RGS5: variants seen among roughly 807,000 people sequenced by gnomAD.
The protein encoded by RGS5 is regulator of G-protein signalling 5.
A neutral mutation model predicts 18.9 loss-of-function variants in RGS5; 20 were observed. The observed-to-expected ratio is 1.06, with a 90% confidence interval of 0.74 to 1.54. The LOEUF (loss-of-function observed/expected upper bound fraction) is 1.54. Ranked by LOEUF, RGS5 falls within the 40% of genes most tolerant of loss-of-function variation. RGS5 has a pLI of 0.00. For missense variants in RGS5, 201 were observed against 211.8 expected (o/e 0.95, Z 0.32); for synonymous variants, 57 against 76.2 (o/e 0.75, Z 1.31).
intron 1 of RGS5, chr1:163,213,074 G>A (rs913161574): frequency 1.3e-5 from 2 of 152,038 alleles, no homozygotes; most frequent in African/African-American, 4.8e-5. Context: ...GTGGATCGCA[G>A]GATCAAAAGG....
At chr1:163,273,915 G>GT (rs1406589067) in intron 2 of RGS5, among the ~76,000 whole-genome samples, 1 of 152,084 alleles carries the variant, frequency 6.6e-6, no homozygotes, top group Admixed American at 6.6e-5. Flanking sequence ...ATGTCTTTGG[G>GT]TTTTTTCTTG....
intron 1 of RGS5, among the ~76,000 whole-genome samples, chr1:163,195,269 T>C (rs1249063091): frequency 1.3e-5 from 2 of 152,186 alleles, no homozygotes; most frequent in African/African-American, 4.8e-5. Flanking sequence ...ATAATGTCGT[T>C]TGCAGCAACT....
At chr1:163,246,367 G>C (rs1312634248) in intron 2 of RGS5, among the ~76,000 whole-genome samples, 2 of 151,778 alleles carry the variant, frequency 1.3e-5, no homozygotes, top group African/African-American at 4.8e-5. Flanking sequence ...TCAGGAGTTT[G>C]AGATCAGCCT....
chr1:163,172,011 T>C (rs556121648), intron 1 of RGS5, among the ~76,000 whole-genome samples: 2 of 152,232 alleles, frequency 1.3e-5, no homozygotes, highest in South Asian at 4.2e-4. Flanking sequence ...CAGCAGTCAG[T>C]CAGTTGGGCT....
intron 2 of RGS5, among the ~76,000 whole-genome samples, chr1:163,233,901 A>C (rs1216823049): frequency 6.6e-6 from 1 of 152,192 alleles, no homozygotes; most frequent in African/African-American, 2.4e-5. Flanking sequence ...ACAGATCACA[A>C]TGGTGGAATC....
At chr1:163,233,880 G>A (rs1647547835) in intron 2 of RGS5, among the ~76,000 whole-genome samples, 1 of 152,180 alleles carries the variant, frequency 6.6e-6, no homozygotes. Flanking sequence ...ATCAGTTAGG[G>A]TGGGGCAGGA....
At chr1:163,236,023 G>A (rs1647613019) in intron 2 of RGS5, among the ~76,000 whole-genome samples, 1 of 152,142 alleles carries the variant, frequency 6.6e-6, no homozygotes, top group Non-Finnish European at 1.5e-5. Flanking sequence ...TCTAGATTCT[G>A]AGACTATCTC....
chr1:163,192,095 G>A (rs1659383167), intron 1 of RGS5, among the ~76,000 whole-genome samples: 1 of 152,116 alleles, frequency 6.6e-6, no homozygotes, highest in Non-Finnish European at 1.5e-5. Flanking sequence ...CTTTGCAACT[G>A]TATCTTTTGC....
At chr1:163,284,423 TGTTTCA>T (rs1649083999) in intron 2 of RGS5, among the ~76,000 whole-genome samples, 2 of 152,326 alleles carry the variant, frequency 1.3e-5, no homozygotes, top group South Asian at 2.1e-4. Flanking sequence ...AAATGTTTGT[TGTTTCA>T]GTTTCACAGT....
At chr1:163,156,807 G>A (rs568235969) in intron 3 of RGS5, among the ~76,000 whole-genome samples, 4 of 152,242 alleles carry the variant, frequency 2.6e-5, no homozygotes, top group Admixed American at 2.6e-4. Context: ...TTCATTTTCT[G>A]AAAACTAGGG....
chr1:163,234,267 G>A (rs1647562875), intron 2 of RGS5, among the ~76,000 whole-genome samples: 1 of 152,110 alleles, frequency 6.6e-6, no homozygotes, highest in South Asian at 2.1e-4. Flanking sequence ...TTAATCATCA[G>A]TGGGCACTGG....
chr1:163,307,607 T>A (rs1649739449), intron 1 of RGS5, among the ~76,000 whole-genome samples: 1 of 142,742 alleles, frequency 7.0e-6, no homozygotes, highest in Non-Finnish European at 1.6e-5. Flanking sequence ...TGAGATAACT[T>A]TGGCTTTAAG....
At chr1:163,206,337 A>C (rs1659954064), upstream of RGS5, among the ~76,000 whole-genome samples, 2 of 152,080 alleles carry the variant, frequency 1.3e-5, no homozygotes, top group African/African-American at 4.8e-5. Flanking sequence ...AACTAAGACA[A>C]TATGGATTCA....
At chr1:163,217,924 G>A (rs1336020630), upstream of RGS5, among the ~76,000 whole-genome samples, 1 of 152,108 alleles carries the variant, frequency 6.6e-6, no homozygotes, top group African/African-American at 2.4e-5. Flanking sequence ...CTGATTGGAC[G>A]CAAGAGGTAG....
intron 1 of RGS5, among the ~76,000 whole-genome samples, chr1:163,319,449 G>C (rs1049748649): frequency 4.6e-5 from 7 of 152,230 alleles, no homozygotes; most frequent in Admixed American, 1.3e-4. Flanking sequence ...AATGAAGAAA[G>C]GGTAAAGTTT....
chr1:163,313,717 C>T (rs927079185), intron 1 of RGS5, among the ~76,000 whole-genome samples: 1 of 152,106 alleles, frequency 6.6e-6, no homozygotes, highest in African/African-American at 2.4e-5. Flanking sequence ...TTGTGTTGTA[C>T]TGTAGGGAAG....
chr1:163,306,799 A>C (rs1478033682), intron 1 of RGS5, among the ~76,000 whole-genome samples: 1 of 152,200 alleles, frequency 6.6e-6, no homozygotes, highest in African/African-American at 2.4e-5. Context: ...ATAAATCTAC[A>C]AGCCAAGGAA....
intron 2 of RGS5, chr1:163,305,435 G>C (rs1649670566): frequency 6.6e-6 from 1 of 152,368 alleles, no homozygotes; most frequent in Non-Finnish European, 1.5e-5. Context: ...GTGGCTGTAT[G>C]AGCTGCTCTA....
chr1:163,189,525 A>G (rs1197021085), intron 1 of RGS5, among the ~76,000 whole-genome samples: 1 of 152,226 alleles, frequency 6.6e-6, no homozygotes, highest in African/African-American at 2.4e-5. Flanking sequence ...TGGGGTTAAA[A>G]CAAGGGTCTT....
Sources: gnomAD v4.1 joint callset for allele counts (sites outside exome capture counted in the v4.1 genomes callset) on GRCh38, gnomAD v4.1.1 for gene constraint, MANE v1.5 for transcripts, NCBI Gene and HGNC (gene_info 2026-07-23, HGNC 2026-07-21) for gene names.